The following CA10 variants were observed in gnomAD, a reference collection of about 807,000 sequenced individuals.
CA10 encodes the protein carbonic anhydrase 10 (inactive).
A neutral mutation model predicts 44.2 loss-of-function variants in CA10; 14 were observed. The observed-to-expected ratio is 0.32, with a 90% confidence interval of 0.21 to 0.50. The LOEUF is 0.50. Ranked by LOEUF, CA10 falls within the 20% of genes least tolerant of loss-of-function variation. The pLI is 0.99. For missense variants in CA10, 350 were observed against 409.7 expected (o/e 0.85, Z 1.26); for synonymous variants, 159 against 141.6 (o/e 1.12, Z -0.87).
chr17:52,040,718 G>C (rs367878992), intron 2 of CA10, among the ~76,000 whole-genome samples: 1 of 152,050 alleles, frequency 6.6e-6, no homozygotes, highest in Admixed American at 6.5e-5. Context: ...GCCTCACTGA[G>C]TGGAGGGGAC....
chr17:51,712,837 T>G (rs1280577567), intron 4 of CA10, among the ~76,000 whole-genome samples: 3 of 152,222 alleles, frequency 2.0e-5, no homozygotes, highest in Non-Finnish European at 4.4e-5. Flanking sequence ...GGTTTCTTCT[T>G]TTGGGGGTTT....
intron 3 of CA10, among the ~76,000 whole-genome samples, chr17:51,872,949 A>C (rs775684620): frequency 5.3e-5 from 8 of 152,204 alleles, no homozygotes; most frequent in Non-Finnish European, 1.0e-4. Context: ...TATGCATGGA[A>C]TGTTGGTGTC....
At chr17:51,634,662 G>C (rs564147960) in intron 7 of CA10, among the ~76,000 whole-genome samples, 1 of 152,230 alleles carries the variant, frequency 6.6e-6, no homozygotes, top group East Asian at 1.9e-4. Context: ...GTTCTGATGA[G>C]TACTAACTCT....
chr17:51,782,076 C>A (rs952329385), intron 3 of CA10, among the ~76,000 whole-genome samples: 3 of 152,196 alleles, frequency 2.0e-5, no homozygotes, highest in Non-Finnish European at 4.4e-5. Context: ...CCCAATCAGA[C>A]TGTTTGCTGA....
intron 4 of CA10, among the ~76,000 whole-genome samples, chr17:51,662,650 T>C (rs1481974023): frequency 1.3e-5 from 2 of 152,216 alleles, no homozygotes; most frequent in Non-Finnish European, 2.9e-5. Flanking sequence ...AGAACACAGT[T>C]TGATGTTTAC....
intron 4 of CA10, among the ~76,000 whole-genome samples, chr17:51,739,273 C>T (rs75666995): frequency 1.3e-4 from 20 of 152,106 alleles, no homozygotes; most frequent in African/African-American, 4.8e-4. Flanking sequence ...GTGAGCGGTA[C>T]TCATGCCTGT....
chr17:51,798,685 G>A (rs62063179), intron 3 of CA10, among the ~76,000 whole-genome samples: 37,297 of 152,138 alleles, frequency 0.25, 4,555 homozygotes, highest in Middle Eastern at 0.34. Context: ...CTAGTGGGAA[G>A]CACAAGTATG....
At chr17:51,888,826 G>A (rs1980728098) in intron 3 of CA10, among the ~76,000 whole-genome samples, 1 of 152,176 alleles carries the variant, frequency 6.6e-6, no homozygotes, top group Admixed American at 6.5e-5. Context: ...AAAATTCAGT[G>A]GCTTAAAATA....
At chr17:51,650,123 T>C (rs914057937) in intron 5 of CA10, among the ~76,000 whole-genome samples, 7 of 152,134 alleles carry the variant, frequency 4.6e-5, no homozygotes, top group African/African-American at 1.4e-4. Flanking sequence ...AATTCCTCTG[T>C]TGGGAGAAGA....
intron 2 of CA10, among the ~76,000 whole-genome samples, chr17:52,009,613 C>A (rs758608757): frequency 6.6e-5 from 10 of 151,948 alleles, no homozygotes; most frequent in Non-Finnish European, 1.3e-4. Flanking sequence ...AAGCAAAGGT[C>A]AATTATAATT....
At position 51,653,615 on chromosome 17, in the gene CA10, A is replaced by G. The variant is rs767342083; in HGVS notation, c.561+26T>C. On this transcript the variant is annotated intron_variant, in intron 5 of 8. Coordinates refer to ENST00000451037, the MANE Select transcript of CA10 (RefSeq NM_020178.5). The stretch of plus-strand genomic sequence containing the variant: ...TCTGATTGAGGTGGGGATGGTGAGA[A>G]GAATGAAGGAATGCAAGAGACTTAC... The G allele has an allele frequency of 2.5e-6, 3 of 1,179,294 alleles. No individual in the cohort carries two copies. In the Admixed American group the frequency reaches 5.0e-5, roughly 20 times the overall value. The allele number at this position is 1,179,294 out of a possible 1,614,324, so 73.1% of individuals were successfully genotyped here.
intron 3 of CA10, among the ~76,000 whole-genome samples, chr17:51,916,712 A>G (rs1567884143): frequency 1.3e-5 from 2 of 152,116 alleles, no homozygotes; most frequent in Non-Finnish European, 2.9e-5. Flanking sequence ...GACTAATACA[A>G]AGTTGTATTA....
chr17:51,700,366 C>T (rs560805629), intron 4 of CA10, among the ~76,000 whole-genome samples: 2 of 152,190 alleles, frequency 1.3e-5, no homozygotes, highest in African/African-American at 2.4e-5. Flanking sequence ...AGAGCAAGAG[C>T]AGAATCCTGG....
At chr17:51,945,041 G>A (rs1983222642) in intron 2 of CA10, among the ~76,000 whole-genome samples, 1 of 152,144 alleles carries the variant, frequency 6.6e-6, no homozygotes, top group African/African-American at 2.4e-5. Context: ...GAGAGAAAGG[G>A]CAGTCACACT....
At position 51,936,732 on chromosome 17, in the gene CA10, T is replaced by C. The variant is rs1374558668; in HGVS notation, c.137-5600A>G. 2.1e-4 allele frequency among the ~76,000 whole-genome samples: 29 copies of C among 135,380 alleles called. 1 individual carries two copies. Among genetic ancestry groups the C allele is most frequent in the Non-Finnish European group, 5.0e-5 (3 of 60,324 alleles). 88.8% of individuals were successfully genotyped at this position (135,380 alleles called of 152,430 possible). The stretch of plus-strand genomic sequence containing the variant: ...CTGAGAGTTTAGCAGGGAAATACCA[T>C]GGTCTGATTTTTTAATTAAAGGCAG... On this transcript the variant is annotated intron_variant, in intron 2 of 8. Transcript: ENST00000451037.
At chr17:51,730,718 C>T (rs1004977593) in intron 4 of CA10, among the ~76,000 whole-genome samples, 10 of 152,088 alleles carry the variant, frequency 6.6e-5, no homozygotes, top group Admixed American at 1.3e-4. Context: ...AATAATATAA[C>T]CTGCAATGTT....
intron 2 of CA10, among the ~76,000 whole-genome samples, chr17:52,043,134 C>G (rs1186104574): frequency 2.0e-5 from 3 of 151,902 alleles, no homozygotes; most frequent in Non-Finnish European, 4.4e-5. Flanking sequence ...GTGAAAAAAT[C>G]CACTGGAATT....
Position 52,076,770 on chromosome 17 carries a change from G to T in CA10, c.62-4377C>A, listed in dbSNP as rs150682436. 1.3e-3 allele frequency among the ~76,000 whole-genome samples: 191 copies of T among 152,136 alleles called. 5 individuals carry two copies. In the South Asian group the frequency reaches 0.024, roughly 19 times the overall value. On this transcript the variant is annotated intron_variant, in intron 1 of 8. Coordinates refer to ENST00000451037, the MANE Select transcript of CA10 (RefSeq NM_020178.5). ...AGAAATACAGGATTCTTATTTTAAC[G>T]CCTCCCACCAGATCCTTGGTAGTCA...
chr17:52,088,609 A>G (rs1308644332), intron 1 of CA10, among the ~76,000 whole-genome samples: 1 of 152,188 alleles, frequency 6.6e-6, no homozygotes, highest in Non-Finnish European at 1.5e-5. Context: ...GAATGAACCA[A>G]TAGGAACTGC....
Sources: allele counts gnomAD v4.1 joint callset (sites outside exome capture counted in the v4.1 genomes callset), GRCh38; gene constraint gnomAD v4.1.1; transcripts MANE v1.5; gene names NCBI Gene and HGNC (gene_info 2026-07-23, HGNC 2026-07-21).